Variants in TMEM63B observed in about 807,000 individuals in gnomAD.
TMEM63B encodes the protein transmembrane protein 63B, also known as mechanosensitive cation channel TMEM63B.
A neutral mutation model predicts 102.6 loss-of-function variants in TMEM63B; 23 were observed. That is an observed-to-expected ratio of 0.22 (90% confidence interval 0.16 to 0.32). The LOEUF (loss-of-function observed/expected upper bound fraction) is 0.32, where lower values mean the gene tolerates loss of function less well. TMEM63B is among the 10% of genes least tolerant of loss of function. The pLI, the probability that TMEM63B is intolerant of heterozygous loss-of-function variation, is 1.00. For synonymous variants in TMEM63B, 444 were observed against 437.0 expected, an observed-to-expected ratio of 1.02 and a Z score of -0.20; for missense variants, 628 against 1,095.9, an observed-to-expected ratio of 0.57 and a Z score of 6.03.
Position 44,148,122 on chromosome 6 carries a change from C to T in TMEM63B, c.988-130C>T. 7.4e-7 allele frequency: 1 copy of T among 1,353,736 alleles called. No individual in the cohort carries two copies. The allele number at this position is 1,353,736 out of a possible 1,614,324, so 83.9% of individuals were successfully genotyped here. On this transcript the variant is annotated intron_variant, in intron 12 of 23. Transcript: ENST00000323267. The surrounding 1 kb of genome is among the most constrained non-coding windows in gnomAD (Gnocchi z 5.1). ...TGGGCATCAGAGCGAGACGCTGTTTCCAAAAAAAAAAAAATGCTTAGAGGA... is the reference window on the plus strand; with the variant it reads ...TGGGCATCAGAGCGAGACGCTGTTTTCAAAAAAAAAAAAATGCTTAGAGGA...
chr6:44,144,853 C>T (rs1035015000), intron 10 of TMEM63B, among the ~76,000 whole-genome samples: 1 of 152,026 alleles, frequency 6.6e-6, no homozygotes, highest in African/African-American at 2.4e-5. Flanking sequence ...CTGTCTCAGC[C>T]TCTCAAAGTT....
At chr6:44,146,736 C>A in intron 10 of TMEM63B, 111 bp from the exon 11 acceptor site, 2 of 1,121,522 alleles carry the variant, frequency 1.8e-6, no homozygotes, top group Non-Finnish European at 1.3e-6. Context: ...CAGATGTGAG[C>A]CACCACGTCC....
At position 44,134,545 on chromosome 6, in the gene TMEM63B, T is replaced by C. The variant is rs1329418250; in HGVS notation, c.-24-16T>C. 3.1e-6 allele frequency: 5 copies of C among 1,607,094 alleles called. No individual in the cohort carries two copies. Among genetic ancestry groups the C allele is most frequent in the Non-Finnish European group, 4.3e-6 (5 of 1,175,820 alleles). On this transcript the variant is annotated splice_polypyrimidine_tract_variant and intron_variant, in intron 1 of 23. Coordinates refer to ENST00000323267, the MANE Select transcript of TMEM63B (RefSeq NM_018426.3). ...GATGGGGGCAAGCCCAGCTGACTGCTCCACCCTCTGCCCAGGAGGACCATG... is the reference window on the plus strand; with the variant it reads ...GATGGGGGCAAGCCCAGCTGACTGCCCCACCCTCTGCCCAGGAGGACCATG...
At chr6:44,142,061 G>A (rs1764374807) in intron 10 of TMEM63B, among the ~76,000 whole-genome samples, 1 of 151,898 alleles carries the variant, frequency 6.6e-6, no homozygotes, top group South Asian at 2.1e-4. Flanking sequence ...GGTCGAGGCT[G>A]CAGTGAGTCC....
At position 44,150,682 on chromosome 6, in the gene TMEM63B, C is replaced by T; in HGVS notation, c.1673+53C>T. 2 of 1,561,424 alleles carry T rather than the reference C, an allele frequency of 1.3e-6. No individual in the cohort carries two copies. Reference sequence around the variant, plus strand: ...AGACCAGACAGCAGGGGTGGGTATGCTTGAGAGACATTGCCAGCCCCATGG... The same window carrying T: ...AGACCAGACAGCAGGGGTGGGTATGTTTGAGAGACATTGCCAGCCCCATGG... On this transcript the variant is annotated intron_variant, in intron 18 of 23. Transcript: ENST00000323267. The surrounding 1 kb of genome is among the most constrained non-coding windows in gnomAD (Gnocchi z 4.7).
At chr6:44,151,795 G>A (rs3734696) in intron 18 of TMEM63B, 51 bp from the exon 19 acceptor site, 151,702 of 1,528,346 alleles carry the variant, frequency 0.099, 8,239 homozygotes, top group Non-Finnish European at 0.11. Flanking sequence ...GTGGGCGGGC[G>A]GCCACCGGGT....
chr6:44,136,310 T>C, intron 4 of TMEM63B, 39 bp from the exon 5 acceptor site: 2 of 1,581,498 alleles, frequency 1.3e-6, no homozygotes, highest in Non-Finnish European at 1.7e-6. Flanking sequence ...GGGCTCAGAC[T>C]CACCAGGCTC....
In TMEM63B at chr6:44,154,859, C is replaced by G; in HGVS notation, c.2475C>G (p.Leu825=). 1 of 1,592,276 alleles carries G rather than the reference C, an allele frequency of 6.3e-7. No homozygotes were observed. The change falls in exon 24 of 24, where the codon CTC becomes CTG. Residue 825 remains leucine, a synonymous_variant. Transcript: ENST00000323267. ...ACTTCCAGTCTTGCGAGGACAGCCT[C>G]ATAGAGAATGAGATTCACCAGTAAG... ...DTDFQSCEDS[L]IENEIHQ
Position 44,148,482 on chromosome 6 carries a change from G to A in TMEM63B, c.1122-31G>A. 6.2e-7 allele frequency: 1 copy of A among 1,613,054 alleles called. No homozygotes were observed. The highest frequency in any genetic ancestry group is 8.5e-7 in the Non-Finnish European group (1 of 1,179,254). ...CTGCCAGCAGTGTGGCCTCCAGGTG[G>A]GCCTGTGGTAACCAGTGCCCATCTT... is the stretch of plus-strand genomic sequence containing the variant. On this transcript the variant is annotated intron_variant, in intron 13 of 23. Transcript: ENST00000323267. The surrounding 1 kb of genome is among the most constrained non-coding windows in gnomAD (Gnocchi z 5.1).
At chr6:44,142,490 A>G (rs1353348984) in intron 10 of TMEM63B, among the ~76,000 whole-genome samples, 2 of 152,184 alleles carry the variant, frequency 1.3e-5, no homozygotes, top group Admixed American at 1.3e-4. Flanking sequence ...AGATTGTGCC[A>G]CTGCACTTCA....
At chr6:44,140,568 A>G (rs1037367807) in intron 9 of TMEM63B, 6 of 665,906 alleles carry the variant, frequency 9.0e-6, no homozygotes, top group Admixed American at 6.3e-5. Flanking sequence ...ACCTCCCCCA[A>G]GGTTGTGGGG....
At chr6:44,153,164 C>A (rs1298936058) in intron 20 of TMEM63B, among the ~76,000 whole-genome samples, 1 of 152,234 alleles carries the variant, frequency 6.6e-6, no homozygotes, top group South Asian at 2.1e-4. Context: ...GGCCAGGTCT[C>A]TCTTCCTTTT....
At position 44,148,464 on chromosome 6, in the gene TMEM63B, C is replaced by A. The variant is rs749249597; in HGVS notation, c.1122-49C>A. ...CCCTGTGCTCATGGCCTTCTGCCAGCAGTGTGGCCTCCAGGTGGGCCTGTG... is the reference window on the plus strand; with the variant it reads ...CCCTGTGCTCATGGCCTTCTGCCAGAAGTGTGGCCTCCAGGTGGGCCTGTG... On this transcript the variant is annotated intron_variant, in intron 13 of 23. Transcript: ENST00000323267. The surrounding 1 kb of genome is among the most constrained non-coding windows in gnomAD (Gnocchi z 5.1). 9.9e-6 allele frequency: 16 copies of A among 1,612,246 alleles called. No individual in the cohort carries two copies. The highest frequency in any genetic ancestry group is 1.3e-5 in the Non-Finnish European group (15 of 1,178,810).
Position 44,150,458 on chromosome 6 carries a change from C to T in TMEM63B, c.1608-106C>T. On this transcript the variant is annotated intron_variant, in intron 17 of 23. Coordinates refer to ENST00000323267, the MANE Select transcript of TMEM63B (RefSeq NM_018426.3). The surrounding 1 kb of genome is among the most constrained non-coding windows in gnomAD (Gnocchi z 4.7). ...CCCCAGGCCTCCTGAGCTACCCACC[C>T]CATGTCTGGGAGTCTCCCCAGTGGC... 1 of 1,487,044 alleles carries T rather than the reference C, an allele frequency of 6.7e-7. No homozygotes were observed. Among genetic ancestry groups the T allele is most frequent in the Non-Finnish European group, 9.4e-7 (1 of 1,068,962 alleles). 92.1% of individuals were successfully genotyped at this position (1,487,044 alleles called of 1,614,324 possible).
At chr6:44,144,578 T>G (rs1319389133) in intron 10 of TMEM63B, among the ~76,000 whole-genome samples, 1 of 151,960 alleles carries the variant, frequency 6.6e-6, no homozygotes, top group African/African-American at 2.4e-5. Flanking sequence ...TTGGTGGTCC[T>G]TCATTTAAAA....
chr6:44,135,948 GGT>G (rs1762850463), intron 4 of TMEM63B, among the ~76,000 whole-genome samples: 1 of 152,154 alleles, frequency 6.6e-6, no homozygotes, highest in Admixed American at 6.5e-5. Context: ...AGCCCTTCCA[GGT>G]TCTCCTGGTC....
In TMEM63B at chr6:44,152,605, G is replaced by A. The variant is rs200155667; in HGVS notation, c.1849G>A (p.Glu617Lys). 3.4e-5 allele frequency: 55 copies of A among 1,607,958 alleles called. No individual in the cohort carries two copies. Among genetic ancestry groups the A allele is most frequent in the Non-Finnish European group, 3.9e-5 (46 of 1,179,840 alleles). Reference sequence around the variant, plus strand: ...GTCTCCCCCCCAGCATCAGGCCTACGAGTTCCAGTTTGGCGCAGCCTACGC... The same window carrying A: ...GTCTCCCCCCCAGCATCAGGCCTACAAGTTCCAGTTTGGCGCAGCCTACGC... Reference protein sequence around the residue: ...RRNVKRHQAYEFQFGAAYAWM... With the variant: ...RRNVKRHQAYKFQFGAAYAWM... The change falls in exon 20 of 24, where the codon GAG becomes AAG. Residue 617 changes from glutamate (E) to lysine (K), a missense_variant. Physicochemically the swap from Glu to Lys is moderately conservative, Grantham distance 56 (BLOSUM62 1). Coordinates refer to ENST00000323267, the MANE Select transcript of TMEM63B (RefSeq NM_018426.3). The surrounding 1 kb of genome is among the most constrained non-coding windows in gnomAD (Gnocchi z 6.4).
chr6:44,141,150 C>A, intron 10 of TMEM63B, 52 bp downstream of exon 10: 1 of 1,571,372 alleles, frequency 6.4e-7, no homozygotes, highest in Non-Finnish European at 8.7e-7. Context: ...AGAGCCTTCT[C>A]TGCCTTTGAA....
chr6:44,135,397 C>G, intron 4 of TMEM63B, 31 bp downstream of exon 4: 3 of 1,595,626 alleles, frequency 1.9e-6, no homozygotes, highest in Non-Finnish European at 2.6e-6. Context: ...CTCATTCCCA[C>G]TAAACCAGCT....
Sources: gnomAD v4.1 joint callset for allele counts (sites outside exome capture counted in the v4.1 genomes callset) on GRCh38, gnomAD v4.1.1 for gene constraint, Gnocchi (gnomAD v3.1) non-coding constraint, MANE v1.5 for transcripts, NCBI Gene and HGNC (gene_info 2026-07-23, HGNC 2026-07-21) for gene names.